Variants in NBEA observed in about 807,000 individuals in gnomAD.
The protein encoded by NBEA is neurobeachin.
Under a neutral mutation model 343.4 loss-of-function variants are expected in NBEA, and 44 were observed. The observed-to-expected ratio is 0.13, with a 90% confidence interval of 0.10 to 0.16. NBEA has a LOEUF of 0.16. Ranked by LOEUF, NBEA falls within the 10% of genes least tolerant of loss-of-function variation. The pLI is 1.00. For missense variants in NBEA, 2,555 were observed against 3,631.3 expected (o/e 0.70, Z 7.62); for synonymous variants, 1,175 against 1,238.7 (o/e 0.95, Z 1.08).
At chr13:35,537,876 C>G (rs1005889565) in intron 41 of NBEA, among the ~76,000 whole-genome samples, 3 of 152,200 alleles carry the variant, frequency 2.0e-5, no homozygotes, top group Non-Finnish European at 4.4e-5. Flanking sequence ...CATCCCATCT[C>G]TTTTGTTGTT....
At chr13:34,957,098 C>CAT (rs908394616) in intron 1 of NBEA, among the ~76,000 whole-genome samples, 4 of 151,950 alleles carry the variant, frequency 2.6e-5, no homozygotes, top group Non-Finnish European at 4.4e-5. Flanking sequence ...TACACACACA[C>CAT]ATATATATAC....
At chr13:35,305,893 T>C (rs1273920901) in intron 35 of NBEA, among the ~76,000 whole-genome samples, 1 of 152,216 alleles carries the variant, frequency 6.6e-6, no homozygotes, top group East Asian at 1.9e-4. Context: ...TATCTTCATA[T>C]GTTACTGATA....
chr13:35,415,809 A>T (rs1017112208), intron 38 of NBEA, among the ~76,000 whole-genome samples: 1 of 152,112 alleles, frequency 6.6e-6, no homozygotes, highest in Non-Finnish European at 1.5e-5. Flanking sequence ...CATTGAATCT[A>T]TAAATTACCT....
At chr13:35,347,903 A>G (rs757011466) in intron 36 of NBEA, among the ~76,000 whole-genome samples, 2 of 151,982 alleles carry the variant, frequency 1.3e-5, no homozygotes, top group East Asian at 1.9e-4. Context: ...GTGCTCTTCA[A>G]TGTGCTCCAT....
intron 36 of NBEA, among the ~76,000 whole-genome samples, chr13:35,333,578 A>G (rs868696688): frequency 6.6e-6 from 1 of 152,058 alleles, no homozygotes; most frequent in Admixed American, 6.6e-5. Context: ...TAAATATACA[A>G]TTAAATTATT....
At chr13:35,526,913 C>T (rs1235634633) in intron 41 of NBEA, among the ~76,000 whole-genome samples, 3 of 152,002 alleles carry the variant, frequency 2.0e-5, no homozygotes, top group Non-Finnish European at 4.4e-5. Flanking sequence ...AATGCAGTGG[C>T]GACAAGAAGC....
At chr13:35,370,826 C>T (rs2041388062) in intron 38 of NBEA, among the ~76,000 whole-genome samples, 1 of 151,994 alleles carries the variant, frequency 6.6e-6, no homozygotes, top group Non-Finnish European at 1.5e-5. Context: ...TGAATTTCCT[C>T]AGCTTTTGCT....
intron 34 of NBEA, among the ~76,000 whole-genome samples, chr13:35,258,874 A>G (rs2032929651): frequency 6.6e-6 from 1 of 152,216 alleles, no homozygotes; most frequent in African/African-American, 2.4e-5. Context: ...GAGAAATTCA[A>G]CATGTTACCA....
At chr13:35,218,899 A>AT (rs2074215612) in intron 33 of NBEA, among the ~76,000 whole-genome samples, 1 of 151,936 alleles carries the variant, frequency 6.6e-6, no homozygotes, top group Admixed American at 6.6e-5. Flanking sequence ...CTATAAGATT[A>AT]TTTTTTTATT....
intron 41 of NBEA, among the ~76,000 whole-genome samples, chr13:35,480,668 C>T (rs1442596952): frequency 1.3e-5 from 2 of 151,750 alleles, no homozygotes; most frequent in African/African-American, 2.4e-5. Flanking sequence ...TGATTTCTTT[C>T]CCCCTTCTTT....
intron 41 of NBEA, chr13:35,476,018 C>G (rs139304367): frequency 1.9e-6 from 3 of 1,614,202 alleles, no homozygotes; most frequent in Non-Finnish European, 2.5e-6. Flanking sequence ...TCCTTCAGTA[C>G]GTCGGAAACT....
chr13:35,196,388 G>A, intron 31 of NBEA, 86 bp downstream of exon 31: 1 of 1,288,616 alleles, frequency 7.8e-7, no homozygotes, highest in Non-Finnish European at 1.0e-6. Context: ...GGAAGATCTT[G>A]AAAACTTTAT....
At chr13:35,259,720 T>G (rs2033036073) in intron 34 of NBEA, among the ~76,000 whole-genome samples, 1 of 152,180 alleles carries the variant, frequency 6.6e-6, no homozygotes, top group African/African-American at 2.4e-5. Context: ...GATAATCATT[T>G]GAATTTTTAC....
intron 55 of NBEA, among the ~76,000 whole-genome samples, chr13:35,656,485 C>A (rs1018321348): frequency 6.6e-6 from 1 of 152,146 alleles, no homozygotes; most frequent in Non-Finnish European, 1.5e-5. Context: ...TCCAATGAAA[C>A]TTTTATTTAT....
chr13:35,396,597 C>T lies in NBEA; in HGVS notation c.6180-35672C>T, dbSNP rs147211249. On this transcript the variant is annotated intron_variant, in intron 38 of 58. Coordinates refer to ENST00000379939, the MANE Select transcript of NBEA (RefSeq NM_001385012.1). Reference sequence around the variant, plus strand: ...ATCAGACAGGGTCTTAGTCACCTTGCGCCATTGCTAGGGACTGCAGTTGAA... The same window carrying T: ...ATCAGACAGGGTCTTAGTCACCTTGTGCCATTGCTAGGGACTGCAGTTGAA... Among the ~76,000 whole-genome samples the T allele has an allele frequency of 6.1e-4, 93 of 152,100 alleles. 1 individual carries two copies. The highest frequency in any genetic ancestry group is 2.1e-3 in the African/African-American group (86 of 41,502).
chr13:35,154,194 A>AT (rs2068993728), intron 18 of NBEA, among the ~76,000 whole-genome samples: 1 of 152,194 alleles, frequency 6.6e-6, no homozygotes, highest in Non-Finnish European at 1.5e-5. Context: ...TAATATACTT[A>AT]TGTAAATGTC....
At chr13:35,414,868 TTCTCCACATCC>T (rs1566097151) in intron 38 of NBEA, among the ~76,000 whole-genome samples, 1 of 152,216 alleles carries the variant, frequency 6.6e-6, no homozygotes, top group Admixed American at 6.5e-5. Context: ...GTGTTCCTAT[TTCTCCACATCC>T]TCTCCAGCAC....
intron 33 of NBEA, among the ~76,000 whole-genome samples, chr13:35,223,017 G>A (rs1331994636): frequency 6.6e-6 from 1 of 152,092 alleles, no homozygotes. Context: ...TGTAATCCCA[G>A]CTACTCCGGA....
chr13:34,977,686 A>G (rs993459726), intron 1 of NBEA, among the ~76,000 whole-genome samples: 1 of 152,224 alleles, frequency 6.6e-6, no homozygotes, highest in Non-Finnish European at 1.5e-5. Flanking sequence ...TCATTTTGAT[A>G]GTTGGAGTCA....
Sources: allele counts gnomAD v4.1 joint callset (sites outside exome capture counted in the v4.1 genomes callset), GRCh38; gene constraint gnomAD v4.1.1; transcripts MANE v1.5; gene names NCBI Gene and HGNC (gene_info 2026-07-23, HGNC 2026-07-21).